CNIH3: variants seen among roughly 807,000 people sequenced by gnomAD.
CNIH3 encodes cornichon family AMPA receptor auxiliary protein 3.
Under a neutral mutation model 24.1 loss-of-function variants are expected in CNIH3, and 14 were observed. That is an observed-to-expected ratio of 0.58 (90% CI 0.38 to 0.91). The LOEUF is 0.91. Ranked by LOEUF, CNIH3 falls within the 40% of genes least tolerant of loss-of-function variation. CNIH3 has a pLI of 0.00. For synonymous variants in CNIH3, 68 were observed against 73.8 expected, an observed-to-expected ratio of 0.92 and a Z score of 0.40; for missense variants, 178 against 196.8, an observed-to-expected ratio of 0.90 and a Z score of 0.57.
intron 2 of CNIH3, among the ~76,000 whole-genome samples, chr1:224,681,269 G>A (rs986236167): frequency 6.6e-6 from 1 of 152,142 alleles, no homozygotes; most frequent in Admixed American, 6.5e-5. Context: ...CTACTGTGCT[G>A]TGGCCCTTGA....
At position 224,677,673 on chromosome 1, in the gene CNIH3, G is replaced by C. The variant is rs533435907; in HGVS notation, c.82-3285G>C. ...CTCTCAGCCTGGCTGAACAGCCCCA[G>C]ATCCCCTTTGGCTCCTCTCTGCTGC... On this transcript the variant is annotated intron_variant, in intron 1 of 5. Transcript: ENST00000272133. Among the ~76,000 whole-genome samples the C allele has an allele frequency of 2.0e-5, 3 of 152,358 alleles. No individual in the cohort carries two copies. In the South Asian group the frequency reaches 6.2e-4, roughly 32 times the overall value.
At chr1:224,535,118 G>A (rs1679233003) in intron 2 of CNIH3, among the ~76,000 whole-genome samples, 1 of 152,220 alleles carries the variant, frequency 6.6e-6, no homozygotes, top group Non-Finnish European at 1.5e-5. Context: ...GCACTTCACA[G>A]ATTAAGTGAA....
chr1:224,714,916 A>G (rs1688347479), intron 3 of CNIH3, among the ~76,000 whole-genome samples: 1 of 152,238 alleles, frequency 6.6e-6, no homozygotes, highest in Non-Finnish European at 1.5e-5. Flanking sequence ...CCTAATGTTC[A>G]GTCTTCGGAC....
intron 1 of CNIH3, among the ~76,000 whole-genome samples, chr1:224,506,300 C>T (rs1004291989): frequency 6.6e-6 from 1 of 151,798 alleles, no homozygotes; most frequent in African/African-American, 2.4e-5. Context: ...CACACACACA[C>T]ACACGGTCAC....
intron 1 of CNIH3, among the ~76,000 whole-genome samples, chr1:224,623,492 C>T (rs1683382118): frequency 6.6e-6 from 1 of 152,154 alleles, no homozygotes; most frequent in Admixed American, 6.5e-5. Flanking sequence ...AACTCATCAG[C>T]TGGATGTGAG....
At chr1:224,529,216 G>T (rs1048240923) in intron 2 of CNIH3, 13 of 152,210 alleles carry the variant, frequency 8.5e-5, no homozygotes, top group African/African-American at 2.7e-4. Flanking sequence ...TACTTTGTTT[G>T]TGTTACACTG....
At chr1:224,468,543 T>C (rs1336483755) in intron 1 of CNIH3, among the ~76,000 whole-genome samples, 2 of 152,252 alleles carry the variant, frequency 1.3e-5, no homozygotes, top group African/African-American at 4.8e-5. Context: ...AAAATTGCAG[T>C]TAAAAATAGA....
At chr1:224,640,972 G>C (rs1056033375) in intron 1 of CNIH3, among the ~76,000 whole-genome samples, 5 of 152,222 alleles carry the variant, frequency 3.3e-5, no homozygotes, top group African/African-American at 1.2e-4. Flanking sequence ...CTGGGAAAGA[G>C]TTGACATTCA....
At chr1:224,526,077 C>A (rs1678833389) in intron 2 of CNIH3, among the ~76,000 whole-genome samples, 1 of 152,114 alleles carries the variant, frequency 6.6e-6, no homozygotes, top group Non-Finnish European at 1.5e-5. Context: ...GGATCAGAGA[C>A]CAGAATGGGA....
chr1:224,639,790 G>A (rs60936981), intron 1 of CNIH3, among the ~76,000 whole-genome samples: 5,570 of 152,094 alleles, frequency 0.037, 268 homozygotes, highest in African/African-American at 0.11. Flanking sequence ...TCTGCTGACC[G>A]CCAATATTAT....
At chr1:224,509,014 C>A (rs1223768795) in intron 1 of CNIH3, among the ~76,000 whole-genome samples, 1 of 152,098 alleles carries the variant, frequency 6.6e-6, no homozygotes, top group East Asian at 1.9e-4. Context: ...TACTCCTGGG[C>A]AAACCTCATG....
intron 1 of CNIH3, among the ~76,000 whole-genome samples, chr1:224,475,336 A>T (rs574651194): frequency 6.7e-6 from 1 of 150,170 alleles, no homozygotes; most frequent in African/African-American, 2.4e-5. Context: ...AGCCGGGGCG[A>T]CAGAGCGAGA....
chr1:224,670,227 T>TC (rs539275271), intron 1 of CNIH3, among the ~76,000 whole-genome samples: 3 of 152,026 alleles, frequency 2.0e-5, no homozygotes, highest in Non-Finnish European at 4.4e-5. Flanking sequence ...GCCGGGGTGG[T>TC]CCATTTTGTG....
chr1:224,675,581 A>T (rs1686097707), intron 1 of CNIH3, among the ~76,000 whole-genome samples: 1 of 152,242 alleles, frequency 6.6e-6, no homozygotes, highest in Non-Finnish European at 1.5e-5. Context: ...TTGACAAGGG[A>T]CTTGTATCCA....
chr1:224,608,892 C>A (rs1273956456), intron 3 of CNIH3, among the ~76,000 whole-genome samples: 2 of 152,182 alleles, frequency 1.3e-5, no homozygotes, highest in South Asian at 2.1e-4. Context: ...TGTTCATATA[C>A]CCTTTAAACT....
At chr1:224,514,606 G>A (rs573003717), upstream of CNIH3, among the ~76,000 whole-genome samples, 34 of 152,236 alleles carry the variant, frequency 2.2e-4, 1 homozygote, top group South Asian at 1.2e-3. Flanking sequence ...TGAGGTGGGC[G>A]GATCACTTGA....
intron 3 of CNIH3, among the ~76,000 whole-genome samples, chr1:224,559,313 T>C (rs1680267701): frequency 6.6e-6 from 1 of 152,236 alleles, no homozygotes; most frequent in Non-Finnish European, 1.5e-5. Context: ...TATCGTGTGA[T>C]GAAACTAACT....
At chr1:224,580,720 G>C (rs913916868) in intron 4 of CNIH3, among the ~76,000 whole-genome samples, 1 of 151,894 alleles carries the variant, frequency 6.6e-6, no homozygotes, top group Non-Finnish European at 1.5e-5. Context: ...CCAGCTACTT[G>C]GGAGACTGAG....
intron 1 of CNIH3, among the ~76,000 whole-genome samples, chr1:224,630,250 C>T (rs191936700): frequency 1.3e-5 from 2 of 152,234 alleles, no homozygotes; most frequent in Admixed American, 6.5e-5. Flanking sequence ...AGGGTTAGCA[C>T]ATCTGTGGTT....
Sources: allele counts gnomAD v4.1 joint callset (sites outside exome capture counted in the v4.1 genomes callset), GRCh38; gene constraint gnomAD v4.1.1; transcripts MANE v1.5; gene names NCBI Gene and HGNC (gene_info 2026-07-23, HGNC 2026-07-21).